FAM135B: variants seen among roughly 807,000 people sequenced by gnomAD.
FAM135B encodes protein FAM135B.
In FAM135B, 43 loss-of-function variants were observed where a neutral mutation model predicts 127.7. The observed-to-expected ratio is 0.34, with a 90% CI of 0.26 to 0.43. FAM135B has a LOEUF of 0.43. Among genes scored for constraint, FAM135B ranks in the 20% least tolerant of loss-of-function variants. FAM135B has a pLI of 1.00. For synonymous variants in FAM135B, 670 were observed against 665.1 expected (o/e 1.01, Z -0.11); for missense variants, 1,558 against 1,725.6 (o/e 0.90, Z 1.72).
chr8:138,445,865 T>A (rs1465698525), intron 1 of FAM135B, among the ~76,000 whole-genome samples: 1 of 152,170 alleles, frequency 6.6e-6, no homozygotes, highest in African/African-American at 2.4e-5. Context: ...AGTCAAATTA[T>A]CCCTGTTTGC....
intron 7 of FAM135B, among the ~76,000 whole-genome samples, chr8:138,218,785 AGAGAGAGAGAGAGAGAGAGG>A (rs1354577944): frequency 1.3e-4 from 16 of 124,930 alleles, no homozygotes; most frequent in Admixed American, 6.3e-4. Context: ...AGAGAGAGAG[AGAGAGAGAGAGAGAGAGAGG>A]GAGAGAAAGA....
At chr8:138,366,110 G>A (rs1830714077) in intron 2 of FAM135B, among the ~76,000 whole-genome samples, 1 of 152,132 alleles carries the variant, frequency 6.6e-6, no homozygotes, top group African/African-American at 2.4e-5. Flanking sequence ...TTTTGAATGA[G>A]AGAAACTTAG....
At chr8:138,140,183 C>T (rs142831321) in intron 17 of FAM135B, among the ~76,000 whole-genome samples, 161 of 152,242 alleles carry the variant, frequency 1.1e-3, no homozygotes, top group African/African-American at 3.6e-3. Flanking sequence ...GCCATTGTGT[C>T]GGATAACTCA....
At chr8:138,260,531 C>T (rs941094525) in intron 4 of FAM135B, among the ~76,000 whole-genome samples, 6 of 152,178 alleles carry the variant, frequency 3.9e-5, no homozygotes, top group African/African-American at 1.4e-4. Context: ...CTTTTCTTCT[C>T]CCAACTACCC....
intron 12 of FAM135B, among the ~76,000 whole-genome samples, chr8:138,154,380 C>T (rs1818492509): frequency 6.6e-6 from 1 of 152,174 alleles, no homozygotes; most frequent in Non-Finnish European, 1.5e-5. Flanking sequence ...CAGAGTGCCT[C>T]TTCTCCTCCA....
At chr8:138,368,724 C>T (rs973203179) in intron 1 of FAM135B, among the ~76,000 whole-genome samples, 1 of 151,620 alleles carries the variant, frequency 6.6e-6, no homozygotes, top group African/African-American at 2.4e-5. Flanking sequence ...GGGTCAGTAA[C>T]AAGATGGTTG....
In FAM135B at chr8:138,197,522, C is replaced by A; in HGVS notation, c.817G>T (p.Glu273Ter). 2 of 1,613,982 alleles carry A rather than the reference C, an allele frequency of 1.2e-6. No homozygotes were observed. The highest frequency in any genetic ancestry group is 1.7e-6 in the Non-Finnish European group (2 of 1,179,906). The change falls in exon 8 of 20, where the codon GAG (glutamate) becomes TAG (stop). Residue 273 changes from glutamate (E) to a stop codon, truncating the protein, a stop_gained. Transcript: ENST00000395297. LOFTEE classifies it high-confidence loss of function. ...MRDIPELPHT[E>*]LEALAVEETL... ...CCCTGTCCTGGGCCCTTACCCAGCTCCGTGTGTGGCAGCTCTGGGATGTCC... is the reference window on the plus strand; with the variant it reads ...CCCTGTCCTGGGCCCTTACCCAGCTACGTGTGTGGCAGCTCTGGGATGTCC...
intron 1 of FAM135B, among the ~76,000 whole-genome samples, chr8:138,430,097 T>A (rs1161459465): frequency 6.6e-6 from 1 of 152,156 alleles, no homozygotes; most frequent in Non-Finnish European, 1.5e-5. Flanking sequence ...TTAATGTAAA[T>A]TTTTCCCATG....
At chr8:138,447,161 GC>G (rs1836219702) in intron 1 of FAM135B, among the ~76,000 whole-genome samples, 1 of 152,138 alleles carries the variant, frequency 6.6e-6, no homozygotes, top group African/African-American at 2.4e-5. Context: ...AACAACAGGT[GC>G]TGGAGAGGAT....
Position 138,132,863 on chromosome 8 carries a change from C to T in FAM135B, c.4016-65G>A. The T allele has an allele frequency of 1.4e-6, 2 of 1,452,162 alleles. No homozygotes were observed. Among genetic ancestry groups the T allele is most frequent in the Non-Finnish European group, 1.9e-6 (2 of 1,035,272 alleles). The allele number at this position is 1,452,162 out of a possible 1,614,324, so 90.0% of individuals were successfully genotyped here. On this transcript the variant is annotated intron_variant, in intron 19 of 19. Transcript: ENST00000395297. This position sits in a 1 kb window ranked among gnomAD's most constrained non-coding sequence, Gnocchi z 4.5. Reference sequence around the variant, plus strand: ...ATTAGCAGTGGAATCTAGAGAACATCACTAGATGTGTGTCGAAATTCTGTT... The same window carrying T: ...ATTAGCAGTGGAATCTAGAGAACATTACTAGATGTGTGTCGAAATTCTGTT...
At chr8:138,437,066 C>T (rs1192735303) in intron 1 of FAM135B, 1 of 152,166 alleles carries the variant, frequency 6.6e-6, no homozygotes. Flanking sequence ...AACGGTGTTA[C>T]TTCATCTCCT....
chr8:138,393,477 G>C (rs928765911), intron 1 of FAM135B, among the ~76,000 whole-genome samples: 1 of 151,696 alleles, frequency 6.6e-6, no homozygotes, highest in South Asian at 2.1e-4. Flanking sequence ...AAAAATTTAA[G>C]AGTATTCCAT....
At chr8:138,195,409 CACAGAG>C (rs1270999800) in intron 8 of FAM135B, 102 bp from the exon 9 acceptor site, 28 of 1,102,526 alleles carry the variant, frequency 2.5e-5, no homozygotes, top group Non-Finnish European at 3.7e-5. Flanking sequence ...GCATTAACGT[CACAGAG>C]ACAAACACAT....
At chr8:138,419,077 A>G (rs34504811) in intron 1 of FAM135B, among the ~76,000 whole-genome samples, 10,341 of 152,226 alleles carry the variant, frequency 0.068, 811 homozygotes, top group East Asian at 0.26. Flanking sequence ...TAAAGAAGCA[A>G]GAAGACCAAA....
At chr8:138,352,213 C>T (rs1829826795) in intron 2 of FAM135B, among the ~76,000 whole-genome samples, 1 of 152,018 alleles carries the variant, frequency 6.6e-6, no homozygotes, top group Admixed American at 6.6e-5. Flanking sequence ...GTTTAAAGGC[C>T]AAGATTTTTA....
At chr8:138,235,131 G>T (rs180864714) in intron 7 of FAM135B, among the ~76,000 whole-genome samples, 82 of 152,212 alleles carry the variant, frequency 5.4e-4, no homozygotes, top group African/African-American at 1.9e-3. Context: ...ATGTCTGATG[G>T]CTACATCTAC....
At chr8:138,255,378 AAAG>A (rs1448825789) in intron 5 of FAM135B, among the ~76,000 whole-genome samples, 1 of 152,104 alleles carries the variant, frequency 6.6e-6, no homozygotes, top group East Asian at 1.9e-4. Flanking sequence ...GCTAACAGAG[AAAG>A]AAGGAGATTT....
intron 6 of FAM135B, among the ~76,000 whole-genome samples, chr8:138,248,815 C>G (rs535930029): frequency 1.9e-5 from 2 of 103,728 alleles, no homozygotes; most frequent in South Asian, 3.4e-4. Context: ...CAGAGTGAGA[C>G]GCTGTCTCAA....
At chr8:138,366,748 A>G (rs1308268442) in intron 2 of FAM135B, among the ~76,000 whole-genome samples, 1 of 152,206 alleles carries the variant, frequency 6.6e-6, no homozygotes, top group African/African-American at 2.4e-5. Flanking sequence ...TCTTGGAGGT[A>G]GATTATTAAA....
Sources: gnomAD v4.1 joint callset for allele counts (sites outside exome capture counted in the v4.1 genomes callset) on GRCh38, gnomAD v4.1.1 for gene constraint, Gnocchi (gnomAD v3.1) non-coding constraint, MANE v1.5 for transcripts, NCBI Gene and HGNC (gene_info 2026-07-23, HGNC 2026-07-21) for gene names.